Variants in PDPR observed in about 807,000 individuals in gnomAD.
The protein encoded by PDPR is pyruvate dehydrogenase phosphatase regulatory subunit.
In PDPR, 50 loss-of-function variants were observed where a neutral mutation model predicts 102.2. That is an observed-to-expected ratio of 0.49 (90% confidence interval 0.39 to 0.62). The LOEUF (loss-of-function observed/expected upper bound fraction) is 0.62. Ranked by LOEUF, PDPR falls within the 20% of genes least tolerant of loss-of-function variation. PDPR has a pLI of 0.00. For synonymous variants in PDPR, 259 were observed against 406.0 expected, an observed-to-expected ratio of 0.64 and a Z score of 4.35; for missense variants, 625 against 1,098.2, an observed-to-expected ratio of 0.57 and a Z score of 6.09.
At chr16:70,153,601 C>G (rs772795174) in intron 18 of PDPR, 28 bp downstream of exon 18, 13 of 1,564,864 alleles carry the variant, frequency 8.3e-6, no homozygotes, top group African/African-American at 1.4e-5. Flanking sequence ...ACTCCACTTT[C>G]ACTCAGCATC....
At chr16:70,130,928 C>G (rs907165134) in intron 7 of PDPR, among the ~76,000 whole-genome samples, 1 of 152,286 alleles carries the variant, frequency 6.6e-6, no homozygotes, top group African/African-American at 2.4e-5. Flanking sequence ...AGCAGATTGG[C>G]TCTTGCCTTC....
chr16:70,146,179 T>G lies in PDPR; in HGVS notation c.1913T>G (p.Leu638Trp), dbSNP rs1276627980. Residue 638 changes from leucine to tryptophan, a missense_variant, in exon 16 of 19, where the codon TTG becomes TGG. Physicochemically the swap from Leu to Trp is moderately conservative, Grantham distance 61. Transcript: ENST00000288050. ...GPRAVDVLSE[L>W]SYAPMTPDHF... ...CGAGCTGTGGATGTGCTGTCTGAGT[T>G]GTCCTATGCCCCTATGACTCCAGAC... The G allele has an allele frequency of 1.2e-6, 2 of 1,613,816 alleles. No homozygotes were observed. The highest frequency in any genetic ancestry group is 1.7e-6 in the Non-Finnish European group (2 of 1,179,820).
rs1298369400 is a variant in PDPR at position 70,158,049 on chromosome 16, G to T, written c.*1170G>T. ...GTCCACTGAGAGTTCTGAGTCCAAA[G>T]GGTGTACGTTGCATAAGGCTAGAGA... On this transcript the variant is annotated 3_prime_UTR_variant, in exon 19 of 19. Coordinates refer to ENST00000288050, the MANE Select transcript of PDPR (RefSeq NM_017990.5). 1 of 153,534 alleles carries T rather than the reference G, an allele frequency of 6.5e-6. No individual in the cohort carries two copies. The allele number at this position is 153,534 out of a possible 1,614,324, so 9.5% of individuals were successfully genotyped here.
At chr16:70,116,856 T>G (rs1033074717) in intron 2 of PDPR, among the ~76,000 whole-genome samples, 60 of 151,788 alleles carry the variant, frequency 4.0e-4, no homozygotes, top group Non-Finnish European at 7.8e-4. Flanking sequence ...GTTTTTTTTT[T>G]AATTCCACCT....
At chr16:70,135,932 G>A (rs1259942439) in intron 9 of PDPR, among the ~76,000 whole-genome samples, 1 of 152,248 alleles carries the variant, frequency 6.6e-6, no homozygotes, top group Non-Finnish European at 1.5e-5. Context: ...AGCTGGGCAT[G>A]GTGGTGCACG....
chr16:70,116,334 C>T (rs1336309530), intron 2 of PDPR, among the ~76,000 whole-genome samples: 1 of 137,248 alleles, frequency 7.3e-6, no homozygotes, highest in Non-Finnish European at 1.6e-5. Flanking sequence ...ACCTTGGCCT[C>T]CCAAAGTGCT....
At chr16:70,129,392 T>C (rs1402184920) in intron 6 of PDPR, among the ~76,000 whole-genome samples, 2 of 152,280 alleles carry the variant, frequency 1.3e-5, no homozygotes, top group Non-Finnish European at 2.9e-5. Context: ...TCGCCCAGGC[T>C]GGAGTGCAAT....
intron 2 of PDPR, among the ~76,000 whole-genome samples, chr16:70,119,196 C>A (rs1457760256): frequency 1.3e-5 from 2 of 152,044 alleles, no homozygotes; most frequent in Non-Finnish European, 2.9e-5. Flanking sequence ...GGCAGTGGTT[C>A]ATGCCTGTAA....
intron 3 of PDPR, among the ~76,000 whole-genome samples, chr16:70,122,133 C>A (rs1172631196): frequency 6.6e-6 from 1 of 152,234 alleles, no homozygotes; most frequent in Non-Finnish European, 1.5e-5. Flanking sequence ...ATTACAGGCA[C>A]CCACCACCAT....
chr16:70,158,644 G>C lies in PDPR; in HGVS notation c.*1765G>C, dbSNP rs1967478129. 1.3e-5 allele frequency: 2 copies of C among 152,710 alleles called. No homozygotes were observed. Among genetic ancestry groups the C allele is most frequent in the Non-Finnish European group, 2.9e-5 (2 of 68,404 alleles). 9.5% of individuals were successfully genotyped at this position (152,710 alleles called of 1,614,324 possible). On this transcript the variant is annotated 3_prime_UTR_variant, in exon 19 of 19. Transcript: ENST00000288050. ...TGGGGGTCTAGTTGTCTTGGAGCAA[G>C]TATGTACTTAACTAGCCGAGAGATG... is the stretch of plus-strand genomic sequence containing the variant.
intron 3 of PDPR, among the ~76,000 whole-genome samples, chr16:70,123,842 C>G (rs889671861): frequency 6.6e-6 from 1 of 152,250 alleles, no homozygotes; most frequent in African/African-American, 2.4e-5. Flanking sequence ...CACCGGAGAT[C>G]AGGAGTTCGA....
intron 4 of PDPR, among the ~76,000 whole-genome samples, chr16:70,127,927 G>A (rs4550439): frequency 2.8e-5 from 4 of 142,330 alleles, no homozygotes; most frequent in Non-Finnish European, 6.1e-5. Flanking sequence ...GTCCCTCAGC[G>A]AGAACAGGAG....
intron 3 of PDPR, among the ~76,000 whole-genome samples, chr16:70,122,011 G>A (rs1408408133): frequency 6.6e-6 from 1 of 152,048 alleles, no homozygotes; most frequent in East Asian, 1.9e-4. Context: ...TTTTGAAATG[G>A]AGTCTGGCTC....
intron 15 of PDPR, among the ~76,000 whole-genome samples, chr16:70,144,972 G>A (rs1966102286): frequency 6.6e-6 from 1 of 150,960 alleles, no homozygotes; most frequent in Admixed American, 6.6e-5. Flanking sequence ...AGAAAATTGA[G>A]GGCTGGACAC....
At chr16:70,155,264 A>G (rs1967009170) in intron 18 of PDPR, among the ~76,000 whole-genome samples, 2 of 151,644 alleles carry the variant, frequency 1.3e-5, no homozygotes, top group African/African-American at 4.8e-5. Flanking sequence ...TATTTTGTCT[A>G]TTTAATGGTA....
intron 10 of PDPR, among the ~76,000 whole-genome samples, chr16:70,137,935 C>T (rs1307297626): frequency 6.6e-6 from 1 of 152,256 alleles, no homozygotes; most frequent in Non-Finnish European, 1.5e-5. Context: ...GTGGCACCAT[C>T]ATAGCTCACT....
chr16:70,114,128 G>T (rs1451941947), upstream of PDPR: 3 of 152,186 alleles, frequency 2.0e-5, no homozygotes, highest in Non-Finnish European at 4.4e-5. Flanking sequence ...TCTGAGGGTG[G>T]CAAAGAGGCC....
In PDPR at chr16:70,161,537, A is replaced by G. The variant is rs1967789784; in HGVS notation, c.*4658A>G. On this transcript the variant is annotated 3_prime_UTR_variant, in exon 19 of 19. Coordinates refer to ENST00000288050, the MANE Select transcript of PDPR (RefSeq NM_017990.5). The stretch of plus-strand genomic sequence containing the variant: ...GTGAGGCTTGCCCCAGGCCTTGTGT[A>G]CACGCAATAAGTGGTGAGCCATGGG... The G allele has an allele frequency of 6.6e-6, 1 of 152,656 alleles. No individual in the cohort carries two copies. The highest frequency in any genetic ancestry group is 1.5e-5 in the Non-Finnish European group (1 of 68,322). 9.5% of individuals were successfully genotyped at this position (152,656 alleles called of 1,614,324 possible).
intron 6 of PDPR, among the ~76,000 whole-genome samples, 174 bp downstream of exon 6, chr16:70,129,296 C>A (rs1236502085): frequency 1.3e-5 from 2 of 152,284 alleles, no homozygotes; most frequent in Admixed American, 1.3e-4. Context: ...TGAGTGTTTT[C>A]CCTCAGGGCC....
Sources: allele counts gnomAD v4.1 joint callset (sites outside exome capture counted in the v4.1 genomes callset), GRCh38; gene constraint gnomAD v4.1.1; transcripts MANE v1.5; gene names NCBI Gene and HGNC (gene_info 2026-07-23, HGNC 2026-07-21).